Variants in CCDC171 observed in about 807,000 individuals in gnomAD.
CCDC171 encodes coiled-coil domain-containing protein 171.
In CCDC171, 177 loss-of-function variants were observed where a neutral mutation model predicts 168.2. The ratio of observed to expected loss-of-function variants is 1.05; its 90% CI spans 0.93 to 1.19. The LOEUF (loss-of-function observed/expected upper bound fraction) is 1.19. Ranked by LOEUF, CCDC171 falls within the 50% of genes most tolerant of loss-of-function variation. CCDC171 has a pLI of 0.00. For synonymous variants in CCDC171, 687 were observed against 540.8 expected, an observed-to-expected ratio of 1.27 and a Z score of -3.75; for missense variants, 1,991 against 1,539.0, an observed-to-expected ratio of 1.29 and a Z score of -4.91.
At chr9:15,700,691 G>T (rs1244224830) in intron 11 of CCDC171, among the ~76,000 whole-genome samples, 6 of 151,226 alleles carry the variant, frequency 4.0e-5, no homozygotes, top group Non-Finnish European at 5.9e-5. Context: ...TTGGGATGTT[G>T]CCCAGGCTAG....
At chr9:15,860,935 G>GGTGTGTGTGTGTGTGTGT (rs1259018674) in intron 23 of CCDC171, among the ~76,000 whole-genome samples, 1 of 34,356 alleles carries the variant, frequency 2.9e-5, no homozygotes, top group African/African-American at 1.7e-4. Flanking sequence ...TGTTGTTAGG[G>GGTGTGTGTGTGTGTGTGT]ATGTGTGTGT....
At chr9:15,773,843 G>A (rs2057148558) in intron 18 of CCDC171, among the ~76,000 whole-genome samples, 1 of 152,156 alleles carries the variant, frequency 6.6e-6, no homozygotes, top group Admixed American at 6.5e-5. Flanking sequence ...AAGCAGCAGA[G>A]TTAATAGACA....
intron 6 of CCDC171, among the ~76,000 whole-genome samples, chr9:16,025,431 C>T (rs985654261): frequency 2.0e-5 from 3 of 152,064 alleles, no homozygotes; most frequent in Admixed American, 1.3e-4. Flanking sequence ...TGCAGCCTAG[C>T]CTGGGTGACA....
chr9:15,958,224 G>A (rs1031886242), intron 25 of CCDC171, among the ~76,000 whole-genome samples: 1 of 152,024 alleles, frequency 6.6e-6, no homozygotes, highest in African/African-American at 2.4e-5. Flanking sequence ...ACAGAAACAA[G>A]CAAACAAAAT....
At chr9:15,564,198 G>A in intron 2 of CCDC171, 69 bp downstream of exon 2, 1 of 1,142,184 alleles carries the variant, frequency 8.8e-7, no homozygotes, top group Non-Finnish European at 1.3e-6. Context: ...GAAGTCAGTG[G>A]TTGTAGAGCT....
chr9:16,106,352 A>AGCAT, the CCDC171 span, among the ~76,000 whole-genome samples: 2 of 152,160 alleles, frequency 1.3e-5, no homozygotes, highest in African/African-American at 4.8e-5. Flanking sequence ...CCCCTCGCAC[A>AGCAT]GCATGCTTTT....
intron 24 of CCDC171, among the ~76,000 whole-genome samples, chr9:15,903,874 C>G (rs935528878): frequency 6.6e-6 from 1 of 152,046 alleles, no homozygotes; most frequent in African/African-American, 2.4e-5. Flanking sequence ...AGGTACGTGA[C>G]GAATGCATAA....
chr9:15,848,622 C>T (rs1042811296), intron 22 of CCDC171, among the ~76,000 whole-genome samples: 2 of 150,538 alleles, frequency 1.3e-5, no homozygotes, highest in Non-Finnish European at 3.0e-5. Flanking sequence ...CCTTTTTATT[C>T]TCCCCCACCC....
chr9:15,902,597 CA>C (rs1821857846), intron 24 of CCDC171, among the ~76,000 whole-genome samples: 1 of 151,978 alleles, frequency 6.6e-6, no homozygotes, highest in South Asian at 2.1e-4. Context: ...CTACAGCTCC[CA>C]GCATGAGCAA....
chr9:15,662,331 G>T (rs1488555082), intron 8 of CCDC171, among the ~76,000 whole-genome samples: 1 of 148,368 alleles, frequency 6.7e-6, no homozygotes, highest in African/African-American at 2.5e-5. Flanking sequence ...CAGAAATTTT[G>T]GATAATTAAA....
At chr9:15,899,536 G>A (rs752749497) in intron 24 of CCDC171, among the ~76,000 whole-genome samples, 1 of 152,074 alleles carries the variant, frequency 6.6e-6, no homozygotes, top group Non-Finnish European at 1.5e-5. Context: ...ATTCTGATAG[G>A]TGTAGTGATA....
intron 7 of CCDC171, among the ~76,000 whole-genome samples, chr9:15,628,888 T>A (rs2045419115): frequency 1.3e-5 from 2 of 152,210 alleles, no homozygotes; most frequent in African/African-American, 4.8e-5. Flanking sequence ...TCCGCTGTTC[T>A]GCAGCCACCG....
intron 23 of CCDC171, among the ~76,000 whole-genome samples, chr9:15,860,431 G>C (rs2061512061): frequency 6.6e-6 from 1 of 151,494 alleles, no homozygotes; most frequent in Non-Finnish European, 1.5e-5. Context: ...TGCTTTCACT[G>C]AGTCTCTTAA....
chr9:15,561,710 A>G (rs940717619), intron 1 of CCDC171, among the ~76,000 whole-genome samples: 35 of 152,244 alleles, frequency 2.3e-4, no homozygotes, highest in African/African-American at 7.5e-4. Context: ...ATATTCAGCC[A>G]CTGACCGTAT....
chr9:15,949,216 G>T (rs1828814032), intron 25 of CCDC171, among the ~76,000 whole-genome samples: 2 of 151,932 alleles, frequency 1.3e-5, no homozygotes, highest in African/African-American at 4.8e-5. Context: ...TGCTGTTTTG[G>T]TTACTGTAGC....
intron 1 of CCDC171, among the ~76,000 whole-genome samples, chr9:15,554,145 C>A (rs905218273): frequency 6.6e-6 from 1 of 152,052 alleles, no homozygotes; most frequent in Non-Finnish European, 1.5e-5. Flanking sequence ...TCAGCCTCCC[C>A]AGCAGCCGGG....
chr9:15,650,363 C>G (rs190090112), intron 7 of CCDC171, among the ~76,000 whole-genome samples: 2 of 151,702 alleles, frequency 1.3e-5, no homozygotes, highest in Non-Finnish European at 2.9e-5. Flanking sequence ...CAAACCTTCA[C>G]GTTGTGCATA....
intron 24 of CCDC171, among the ~76,000 whole-genome samples, chr9:15,907,485 T>A (rs1461949628): frequency 6.6e-6 from 1 of 152,232 alleles, no homozygotes; most frequent in African/African-American, 2.4e-5. Context: ...ATCCCTTCCT[T>A]ACACCTCATA....
downstream of CCDC171, among the ~76,000 whole-genome samples, chr9:16,064,917 C>T (rs887396937): frequency 3.3e-5 from 5 of 152,244 alleles, no homozygotes; most frequent in Non-Finnish European, 7.3e-5. Context: ...TGACACACAA[C>T]ACCGCCCTTG....
Sources: gnomAD v4.1 joint callset for allele counts (sites outside exome capture counted in the v4.1 genomes callset) on GRCh38, gnomAD v4.1.1 for gene constraint, MANE v1.5 for transcripts, NCBI Gene and HGNC (gene_info 2026-07-23, HGNC 2026-07-21) for gene names.